Variants in LRRC37A3 observed in about 807,000 individuals in gnomAD.
LRRC37A3 encodes leucine-rich repeat-containing protein 37A3.
Under a neutral mutation model 106.2 loss-of-function variants are expected in LRRC37A3, and 25 were observed. That is an observed-to-expected ratio of 0.24 (90% CI 0.17 to 0.33). The LOEUF (loss-of-function observed/expected upper bound fraction) is 0.33. LRRC37A3 is among the 10% of genes least tolerant of loss of function. The pLI, the probability that LRRC37A3 is intolerant of heterozygous loss-of-function variation, is 1.00. For missense variants in LRRC37A3, 712 were observed against 1,644.9 expected (o/e 0.43, Z 9.81); for synonymous variants, 305 against 635.8 (o/e 0.48, Z 7.83).
intron 8 of LRRC37A3, among the ~76,000 whole-genome samples, chr17:64,877,855 T>TCAA (rs1338394730): frequency 6.6e-6 from 1 of 151,972 alleles, no homozygotes; most frequent in Non-Finnish European, 1.5e-5. Context: ...AACCCTCACA[T>TCAA]TTATGGAAAA....
chr17:64,881,276 T>C, intron 8 of LRRC37A3: 1 of 694,986 alleles, frequency 1.4e-6, no homozygotes, highest in Non-Finnish European at 2.6e-6. Context: ...GAAGTCTCAC[T>C]CTGTTGCCCA....
At chr17:64,881,254 T>G in intron 8 of LRRC37A3, 1 of 698,786 alleles carries the variant, frequency 1.4e-6, no homozygotes, top group Non-Finnish European at 2.6e-6. Context: ...TTTCTTTTCT[T>G]TTTTTTGAGA....
chr17:64,866,667 G>T (rs1598399411), intron 10 of LRRC37A3, among the ~76,000 whole-genome samples: 1 of 91,882 alleles, frequency 1.1e-5, no homozygotes. Flanking sequence ...GTCTTGCTCT[G>T]TCACCCAAGC....
At chr17:64,917,054 G>A (rs1292812197) in intron 2 of LRRC37A3, among the ~76,000 whole-genome samples, 3 of 151,210 alleles carry the variant, frequency 2.0e-5, no homozygotes, top group East Asian at 1.9e-4. Context: ...GACCATCCTC[G>A]CTAACATGGT....
At chr17:64,879,821 T>C (rs1973635506) in intron 8 of LRRC37A3, among the ~76,000 whole-genome samples, 2 of 152,008 alleles carry the variant, frequency 1.3e-5, no homozygotes, top group South Asian at 4.2e-4. Flanking sequence ...TCTCAGCACT[T>C]TGGGAGGCCA....
At chr17:64,874,329 C>A (rs529888991) in intron 8 of LRRC37A3, among the ~76,000 whole-genome samples, 2 of 150,828 alleles carry the variant, frequency 1.3e-5, no homozygotes, top group African/African-American at 4.9e-5. Context: ...AGCGTCTCTG[C>A]CTGGCTGCCC....
At chr17:64,878,245 C>A (rs1432131028) in intron 8 of LRRC37A3, among the ~76,000 whole-genome samples, 1 of 152,106 alleles carries the variant, frequency 6.6e-6, no homozygotes, top group East Asian at 1.9e-4. Context: ...GATTTAAAAC[C>A]AAACACTGAA....
chr17:64,874,189 G>C (rs1973418106), intron 8 of LRRC37A3, among the ~76,000 whole-genome samples: 1 of 152,234 alleles, frequency 6.6e-6, no homozygotes, highest in African/African-American at 2.4e-5. Context: ...CTTGAAGCCA[G>C]GAGTTGGATA....
intron 5 of LRRC37A3, among the ~76,000 whole-genome samples, chr17:64,890,171 C>T (rs1973914304): frequency 7.6e-6 from 1 of 131,204 alleles, no homozygotes; most frequent in Admixed American, 7.2e-5. Context: ...AACCTTTTTC[C>T]CCCCATCAAA....
At chr17:64,869,276 T>A in intron 8 of LRRC37A3, 110 bp from the exon 9 acceptor site, 1 of 1,563,602 alleles carries the variant, frequency 6.4e-7, no homozygotes, top group East Asian at 2.3e-5. Context: ...AAGAAAAAAA[T>A]GTTTCCTGTC....
intron 8 of LRRC37A3, among the ~76,000 whole-genome samples, chr17:64,877,646 G>A (rs759560969): frequency 1.3e-5 from 2 of 152,188 alleles, no homozygotes; most frequent in Non-Finnish European, 2.9e-5. Context: ...CTTCTTTCCA[G>A]AAAGTGACAA....
Position 64,863,005 on chromosome 17 carries a change from G to A in LRRC37A3, c.3067C>T (p.His1023Tyr), listed in dbSNP as rs1335757157. Residue 1023 changes from histidine to tyrosine, a missense_variant, in exon 11 of 15, where the codon CAT becomes TAT. His to Tyr is a moderately conservative substitution (Grantham distance 83). Coordinates refer to ENST00000584306, the MANE Select transcript of LRRC37A3 (RefSeq NM_199340.5). Reference protein sequence around the residue: ...VELEKLIVPSHMACCLCQFKN... With the variant: ...VELEKLIVPSYMACCLCQFKN... The stretch of plus-strand genomic sequence containing the variant: ...AATTGGCAGAGGCAGCAGGCCATAT[G>A]GCTAGGTACGATCCTATAGATGAAA... 1 of 1,597,832 alleles carries A rather than the reference G, an allele frequency of 6.3e-7. No homozygotes were observed. The highest frequency in any genetic ancestry group is 8.5e-7 in the Non-Finnish European group (1 of 1,179,786).
intron 8 of LRRC37A3, among the ~76,000 whole-genome samples, chr17:64,869,821 A>G (rs1012819321): frequency 6.6e-6 from 1 of 151,936 alleles, no homozygotes; most frequent in Admixed American, 6.5e-5. Flanking sequence ...GATTACTGGC[A>G]TGAGCCACTG....
At chr17:64,910,410 A>C (rs528993505) in intron 2 of LRRC37A3, among the ~76,000 whole-genome samples, 1 of 152,416 alleles carries the variant, frequency 6.6e-6, no homozygotes, top group South Asian at 2.1e-4. Context: ...ATCATGTTTT[A>C]TTTATTGTAG....
At chr17:64,881,014 A>C in intron 8 of LRRC37A3, 1 of 655,930 alleles carries the variant, frequency 1.5e-6, no homozygotes, top group Non-Finnish European at 2.7e-6. Context: ...GGTTCCATGG[A>C]AGAAGGTAGT....
intron 8 of LRRC37A3, among the ~76,000 whole-genome samples, chr17:64,876,005 A>T (rs1201370639): frequency 6.6e-6 from 1 of 152,174 alleles, no homozygotes; most frequent in Non-Finnish European, 1.5e-5. Flanking sequence ...GATGTAGCTG[A>T]GACGACAGAT....
At position 64,860,434 on chromosome 17, in the gene LRRC37A3, T is replaced by C. The variant is rs1972828436; in HGVS notation, c.3712A>G (p.Thr1238Ala). Residue 1238 changes from threonine (T) to alanine (A), a missense_variant, in exon 12 of 15, where the codon ACC becomes GCC. Physicochemically the swap from Thr to Ala is moderately conservative, Grantham distance 58 (BLOSUM62 0). Transcript: ENST00000584306. ...GAGACTGCTGCCTTATGCTCTTGGG[T>C]GAACGAAGGCTTGGTGTAGACGGCG... ...GNAVYTKPSF[T>A]QEHKAAVSVL... 11 of 1,613,824 alleles carry C rather than the reference T, an allele frequency of 6.8e-6. No homozygotes were observed. Among genetic ancestry groups the C allele is most frequent in the African/African-American group, 1.3e-5 (1 of 74,914 alleles).
At chr17:64,914,352 A>G (rs1003012569) in intron 2 of LRRC37A3, among the ~76,000 whole-genome samples, 5 of 152,148 alleles carry the variant, frequency 3.3e-5, no homozygotes, top group Non-Finnish European at 7.4e-5. Flanking sequence ...CGAGGTCAGG[A>G]GTTCGAGACC....
chr17:64,859,877 A>C lies in LRRC37A3; in HGVS notation c.4269T>G (p.Pro1423=), dbSNP rs777862713. The change falls in exon 12 of 15, where the codon CCT becomes CCG. Residue 1423 remains proline (P), a synonymous_variant. Coordinates refer to ENST00000584306, the MANE Select transcript of LRRC37A3 (RefSeq NM_199340.5). ...ATGCAGTCCCAGCGGAATCTGCCTC[A>C]GGAGGATGATTGTAGTTTGTGTTTT... ...ISENTNYNHP[P]EADSAGTAFN... 6.2e-6 allele frequency: 10 copies of C among 1,613,188 alleles called. No individual in the cohort carries two copies. The South Asian group carries it at 1.1e-4, about 18-fold the overall frequency.
Sources: gnomAD v4.1 joint callset for allele counts (sites outside exome capture counted in the v4.1 genomes callset) on GRCh38, gnomAD v4.1.1 for gene constraint, MANE v1.5 for transcripts, NCBI Gene and HGNC (gene_info 2026-07-23, HGNC 2026-07-21) for gene names.